DOK5: variants seen among roughly 807,000 people sequenced by gnomAD.
DOK5 encodes docking protein 5.
Under a neutral mutation model 43.3 loss-of-function variants are expected in DOK5, and 27 were observed. That is an observed-to-expected ratio of 0.62 (90% CI 0.46 to 0.86). The LOEUF is 0.86. Among genes scored for constraint, DOK5 ranks in the 40% least tolerant of loss-of-function variants. The probability of loss-of-function intolerance (pLI) is 0.00; values close to 1 mark genes in which losing one functional copy is unlikely to be tolerated. For missense variants in DOK5, 373 were observed against 392.9 expected, an observed-to-expected ratio of 0.95 and a Z score of 0.43; for synonymous variants, 146 against 140.1, an observed-to-expected ratio of 1.04 and a Z score of -0.30.
At chr20:54,500,398 CT>C (rs1982550301) in intron 1 of DOK5, among the ~76,000 whole-genome samples, 1 of 152,028 alleles carries the variant, frequency 6.6e-6, no homozygotes, top group Non-Finnish European at 1.5e-5. Flanking sequence ...CATTGTTTTG[CT>C]GAATTTTATA....
chr20:54,480,219 T>G (rs1249454964), intron 1 of DOK5, among the ~76,000 whole-genome samples: 1 of 152,170 alleles, frequency 6.6e-6, no homozygotes, highest in Non-Finnish European at 1.5e-5. Context: ...TGAAACCTAC[T>G]GGGCTACATT....
intron 6 of DOK5, among the ~76,000 whole-genome samples, chr20:54,629,448 C>T (rs1205143712): frequency 2.0e-5 from 3 of 152,190 alleles, no homozygotes; most frequent in Admixed American, 1.3e-4. Context: ...AAGTCTCTGT[C>T]CCATCGTCCC....
chr20:54,639,502 A>G (rs1392477826), intron 6 of DOK5, among the ~76,000 whole-genome samples: 1 of 152,222 alleles, frequency 6.6e-6, no homozygotes, highest in Non-Finnish European at 1.5e-5. Flanking sequence ...CAATTTTGTG[A>G]ATGGGAGGTT....
chr20:54,481,582 C>CTA (rs1981720904), intron 1 of DOK5, among the ~76,000 whole-genome samples: 1 of 152,138 alleles, frequency 6.6e-6, no homozygotes, highest in Non-Finnish European at 1.5e-5. Flanking sequence ...CTATGTACTG[C>CTA]CAAGGACATG....
intron 7 of DOK5, among the ~76,000 whole-genome samples, chr20:54,647,478 C>A (rs1256581265): frequency 6.7e-6 from 1 of 149,616 alleles, no homozygotes; most frequent in African/African-American, 2.5e-5. Flanking sequence ...GCACTCCTGC[C>A]TGGGCAACAA....
At chr20:54,511,715 A>G (rs1983021124) in intron 1 of DOK5, among the ~76,000 whole-genome samples, 1 of 152,202 alleles carries the variant, frequency 6.6e-6, no homozygotes, top group African/African-American at 2.4e-5. Flanking sequence ...TCATTGCTGG[A>G]GTCAGTGACA....
chr20:54,479,427 G>C (rs6023274), intron 1 of DOK5, among the ~76,000 whole-genome samples: 30,621 of 152,016 alleles, frequency 0.2, 5,212 homozygotes, highest in African/African-American at 0.47. Flanking sequence ...TTGAGTAATC[G>C]ATTAAATGCA....
At chr20:54,506,213 G>A (rs146009762) in intron 1 of DOK5, among the ~76,000 whole-genome samples, 1 of 152,134 alleles carries the variant, frequency 6.6e-6, no homozygotes, top group South Asian at 2.1e-4. Flanking sequence ...CTTTGACTTG[G>A]TCAACTGCAG....
Position 54,534,821 on chromosome 20 carries a change from T to A in DOK5, c.67-20112T>A, listed in dbSNP as rs13037384. Among the ~76,000 whole-genome samples, 5 of 102,972 alleles carry A rather than the reference T, an allele frequency of 4.9e-5. No homozygotes were observed. In the East Asian group the frequency reaches 9.6e-4, roughly 20 times the overall value. 67.6% of individuals were successfully genotyped at this position (102,972 alleles called of 152,430 possible). On this transcript the variant is annotated intron_variant, in intron 1 of 7. Transcript: ENST00000262593. ...ACAAGAATTGATTTTGAAAGCATGT[T>A]TCTTTCTTTCTTTCTTTCTTTCTTT...
chr20:54,586,982 C>A (rs1484306838), intron 2 of DOK5, among the ~76,000 whole-genome samples: 2 of 151,238 alleles, frequency 1.3e-5, no homozygotes, highest in Admixed American at 1.3e-4. Context: ...TCTGTTTATG[C>A]ACAGTAATAT....
chr20:54,647,990 G>C (rs1302354433), intron 7 of DOK5, among the ~76,000 whole-genome samples: 1 of 152,148 alleles, frequency 6.6e-6, no homozygotes, highest in African/African-American at 2.4e-5. Flanking sequence ...TACTCTTTCT[G>C]AGGACCTACT....
At chr20:54,540,952 ACTT>A (rs1984137628) in intron 1 of DOK5, among the ~76,000 whole-genome samples, 1 of 152,122 alleles carries the variant, frequency 6.6e-6, no homozygotes, top group African/African-American at 2.4e-5. Flanking sequence ...ATACAGAACT[ACTT>A]CTTCATTATG....
chr20:54,587,616 G>A (rs1465144364), intron 2 of DOK5, among the ~76,000 whole-genome samples: 3 of 152,200 alleles, frequency 2.0e-5, no homozygotes, highest in Non-Finnish European at 4.4e-5. Context: ...CTCCAATGCA[G>A]CTGAGGATGC....
At chr20:54,491,066 C>T (rs73274963) in intron 1 of DOK5, among the ~76,000 whole-genome samples, 2,826 of 152,320 alleles carry the variant, frequency 0.019, 90 homozygotes, top group African/African-American at 0.065. Flanking sequence ...ACTGTTTGAC[C>T]ATCCAATCTT....
chr20:54,622,792 T>TCCTATTTC (rs976520568), intron 6 of DOK5, among the ~76,000 whole-genome samples: 10 of 152,214 alleles, frequency 6.6e-5, no homozygotes, highest in Middle Eastern at 3.4e-3. Context: ...TGGTGAGTAA[T>TCCTATTTC]CCTATTTCCC....
intron 7 of DOK5, among the ~76,000 whole-genome samples, chr20:54,648,817 C>T (rs918572464): frequency 1.3e-5 from 2 of 152,114 alleles, no homozygotes; most frequent in Non-Finnish European, 2.9e-5. Context: ...GCCCCAAGGC[C>T]GTTGCACATG....
intron 2 of DOK5, among the ~76,000 whole-genome samples, chr20:54,567,333 A>G (rs937813748): frequency 1.3e-5 from 2 of 152,120 alleles, no homozygotes; most frequent in African/African-American, 4.8e-5. Flanking sequence ...TTTAAATATG[A>G]TTCATTTTGA....
At chr20:54,579,329 CT>C (rs1444104025) in intron 2 of DOK5, among the ~76,000 whole-genome samples, 1 of 150,180 alleles carries the variant, frequency 6.7e-6, no homozygotes, top group Non-Finnish European at 1.5e-5. Context: ...TTCTGAGTAT[CT>C]TTTGCTGCCT....
At chr20:54,484,432 T>G (rs557828603) in intron 1 of DOK5, among the ~76,000 whole-genome samples, 1 of 152,282 alleles carries the variant, frequency 6.6e-6, no homozygotes, top group East Asian at 1.9e-4. Flanking sequence ...AAGTTTTATT[T>G]TTAGATAATT....
Sources: gnomAD v4.1 joint callset for allele counts (sites outside exome capture counted in the v4.1 genomes callset) on GRCh38, gnomAD v4.1.1 for gene constraint, MANE v1.5 for transcripts, NCBI Gene and HGNC (gene_info 2026-07-23, HGNC 2026-07-21) for gene names.